Variants in PSMA6 observed in about 807,000 individuals in gnomAD.
The protein encoded by PSMA6 is proteasome 20S subunit alpha 6.
For missense variants in PSMA6, 170 were observed against 294.8 expected (o/e 0.58, Z 3.10); for synonymous variants, 88 against 97.7 (o/e 0.90, Z 0.59).
chr14:35,280,578 C>T (rs1013562475), intron 1 of PSMA6, among the ~76,000 whole-genome samples: 10 of 150,886 alleles, frequency 6.6e-5, no homozygotes, highest in Non-Finnish European at 1.2e-4. Context: ...GACAGGGTTT[C>T]GTCATGTTGG....
chr14:35,308,743 G>T, intron 2 of PSMA6, 171 bp from the exon 3 acceptor site: 1 of 528,212 alleles, frequency 1.9e-6, no homozygotes, highest in Non-Finnish European at 3.3e-6. Flanking sequence ...AACTAAAATT[G>T]ATTTTAACTA....
At chr14:35,313,867 G>A (rs116910767) in intron 5 of PSMA6, 2,365 of 152,376 alleles carry the variant, frequency 0.016, 34 homozygotes, top group Non-Finnish European at 0.025. Flanking sequence ...ACTGAGTCAG[G>A]AGACTCGCTT....
At chr14:35,279,381 A>T (rs1407211354) in intron 1 of PSMA6, among the ~76,000 whole-genome samples, 1 of 152,258 alleles carries the variant, frequency 6.6e-6, no homozygotes, top group East Asian at 1.9e-4. Flanking sequence ...GTAAATTCAT[A>T]AAAAGGGGCA....
At chr14:35,313,850 T>G (rs1164961029) in intron 5 of PSMA6, 2 of 152,260 alleles carry the variant, frequency 1.3e-5, no homozygotes, top group African/African-American at 4.8e-5. Context: ...TTCCAGCTAC[T>G]CAGGAGACTG....
chr14:35,314,947 A>ATATGTGTGTGTG (rs1555338345), intron 6 of PSMA6: 1 of 141,122 alleles, frequency 7.1e-6, no homozygotes, highest in Non-Finnish European at 1.5e-5. Context: ...CAGTTGCTGG[A>ATATGTGTGTGTG]TGTGTGTGTG....
intron 6 of PSMA6, chr14:35,316,124 A>C (rs1026596759): frequency 1.3e-5 from 2 of 152,184 alleles, no homozygotes; most frequent in African/African-American, 2.4e-5. Context: ...GGTGGCTCAC[A>C]CCTGTAATCC....
rs74962578 is a variant in PSMA6, at chr14:35,308,105, A to C, written c.171+17A>C. The C allele has an allele frequency of 1.2e-3, 2,006 of 1,612,570 alleles. 26 individuals are homozygous for C. The African/African-American group carries it at 0.023, about 18-fold the overall frequency. ...AAAGTACCTGTAAGTAATACTGCCC[A>C]AATAGTTAATAATTGCAGAATATAA... On this transcript the variant is annotated intron_variant, in intron 2 of 6. Coordinates refer to ENST00000261479, the MANE Select transcript of PSMA6 (RefSeq NM_002791.3).
intron 1 of PSMA6, among the ~76,000 whole-genome samples, chr14:35,279,349 A>G (rs2051340949): frequency 3.3e-5 from 5 of 152,116 alleles, no homozygotes; most frequent in Admixed American, 2.0e-4. Context: ...ACTCGGCCTC[A>G]TGTATTCTAA....
intron 1 of PSMA6, among the ~76,000 whole-genome samples, chr14:35,285,359 A>AG (rs2051411826): frequency 6.6e-6 from 1 of 150,582 alleles, no homozygotes; most frequent in Non-Finnish European, 1.5e-5. Context: ...AAAAAACAAA[A>AG]AAAAAAACCG....
intron 3 of PSMA6, 113 bp downstream of exon 3, chr14:35,309,108 T>C: frequency 2.6e-6 from 2 of 781,858 alleles, no homozygotes; most frequent in Non-Finnish European, 4.2e-6. Context: ...GATTTTCAAG[T>C]GCCATGAGTG....
upstream of PSMA6, chr14:35,292,371 G>A (rs935387414): frequency 2.5e-5 from 38 of 1,533,326 alleles, no homozygotes; most frequent in African/African-American, 4.6e-4. Flanking sequence ...AAGAAACGCG[G>A]CTGGTACCCC....
chr14:35,314,388 C>G lies in PSMA6; in HGVS notation c.616C>G (p.Leu206Val). 1 of 1,611,520 alleles carries G rather than the reference C, an allele frequency of 6.2e-7. No homozygotes were observed. Among genetic ancestry groups the G allele is most frequent in the Non-Finnish European group, 8.5e-7 (1 of 1,178,432 alleles). The change falls in exon 6 of 7, where the codon CTA becomes GTA. Residue 206 changes from leucine to valine, a missense_variant. By Grantham distance (32) the Leu-to-Val change is conservative. Transcript: ENST00000261479. ...ETAITCLSTVLSIDFKPSEIE... is the reference protein window; with the variant it reads ...ETAITCLSTVVSIDFKPSEIE... ...TGCAATTACATGCCTGTCTACTGTT[C>G]TATCAATTGATTTCAAACCTTCAGA...
At chr14:35,296,030 T>C (rs1327676236) in intron 1 of PSMA6, among the ~76,000 whole-genome samples, 1 of 152,116 alleles carries the variant, frequency 6.6e-6, no homozygotes, top group Non-Finnish European at 1.5e-5. Context: ...GACAGGTGTA[T>C]GTGAGCACTG....
chr14:35,286,560 A>G (rs1049058653), intron 1 of PSMA6, among the ~76,000 whole-genome samples: 4 of 152,150 alleles, frequency 2.6e-5, no homozygotes, highest in Admixed American at 2.6e-4. Context: ...TAAGAGGATA[A>G]TACTGAAGTT....
At chr14:35,313,696 G>A (rs2051986052) in intron 5 of PSMA6, 1 of 152,224 alleles carries the variant, frequency 6.6e-6, no homozygotes, top group Non-Finnish European at 1.5e-5. Flanking sequence ...CACTTAAGGT[G>A]GCTCACACCT....
At chr14:35,312,535 G>T (rs1319426954) in intron 4 of PSMA6, among the ~76,000 whole-genome samples, 3 of 142,604 alleles carry the variant, frequency 2.1e-5, no homozygotes, top group Non-Finnish European at 4.6e-5. Context: ...AAAAAAAAGT[G>T]TTTTTGAAGT....
upstream of PSMA6, among the ~76,000 whole-genome samples, chr14:35,290,537 T>A (rs907430599): frequency 2.0e-5 from 3 of 152,222 alleles, no homozygotes; most frequent in Non-Finnish European, 2.9e-5. Context: ...AGAAATTAAT[T>A]TTTAAAAACA....
intron 1 of PSMA6, among the ~76,000 whole-genome samples, chr14:35,285,350 A>C (rs1481527159): frequency 2.6e-5 from 1 of 37,942 alleles, no homozygotes; most frequent in Non-Finnish European, 1.6e-4. Context: ...AAAAAAAACA[A>C]AAAACAAAAA....
At chr14:35,303,623 G>A (rs2051762596) in intron 1 of PSMA6, among the ~76,000 whole-genome samples, 1 of 152,102 alleles carries the variant, frequency 6.6e-6, no homozygotes, top group Non-Finnish European at 1.5e-5. Flanking sequence ...CTTTTTATTT[G>A]TGGAGGGCTG....
Sources: gnomAD v4.1 joint callset for allele counts (sites outside exome capture counted in the v4.1 genomes callset) on GRCh38, gnomAD v4.1.1 for gene constraint, MANE v1.5 for transcripts, NCBI Gene and HGNC (gene_info 2026-07-23, HGNC 2026-07-21) for gene names.